The following ATP1A4 variants were observed in gnomAD, a reference collection of about 807,000 sequenced individuals.
The protein encoded by ATP1A4 is ATPase Na+/K+ transporting subunit alpha 4, also known as sodium/potassium-transporting ATPase subunit alpha-4.
Under a neutral mutation model 114.3 loss-of-function variants are expected in ATP1A4, and 90 were observed. The ratio of observed to expected loss-of-function variants is 0.79; its 90% CI spans 0.66 to 0.94. The LOEUF (loss-of-function observed/expected upper bound fraction) is 0.94, where lower values mean the gene tolerates loss of function less well. Among genes scored for constraint, ATP1A4 ranks in the 40% least tolerant of loss-of-function variants. The probability of loss-of-function intolerance (pLI) is 0.00; values close to 1 mark genes in which losing one functional copy is unlikely to be tolerated. For synonymous variants in ATP1A4, 511 were observed against 494.1 expected (o/e 1.03, Z -0.45); for missense variants, 1,222 against 1,313.6 (o/e 0.93, Z 1.08).
At position 160,151,843 on chromosome 1, in the gene ATP1A4, C is replaced by T; in HGVS notation, c.-198C>T. 3.5e-6 allele frequency: 2 copies of T among 568,310 alleles called. No individual in the cohort carries two copies. The highest frequency in any genetic ancestry group is 6.1e-6 in the Non-Finnish European group (2 of 328,758). The allele number at this position is 568,310 out of a possible 1,614,324, so 35.2% of individuals were successfully genotyped here. On this transcript the variant is annotated 5_prime_UTR_variant, in exon 1 of 22. Transcript: ENST00000368081. ...GCTGGAGGACCGCTCAGTCTCTCCT[C>T]TCTCACTTCCCTTCCTCTCTCTCAC...
chr1:160,154,945 C>A, intron 2 of ATP1A4, 100 bp from the exon 3 acceptor site: 1 of 1,152,140 alleles, frequency 8.7e-7, no homozygotes, highest in Non-Finnish European at 1.3e-6. Flanking sequence ...CGTCTTTAGT[C>A]TCTAGACCCA....
chr1:160,154,065 A>G (rs1652551060), intron 2 of ATP1A4, among the ~76,000 whole-genome samples: 1 of 152,154 alleles, frequency 6.6e-6, no homozygotes, highest in Non-Finnish European at 1.5e-5. Flanking sequence ...ATTCTTTTCT[A>G]TTTATGTTTT....
Position 160,184,136 on chromosome 1 carries a change from A to T in ATP1A4, c.2969+2105A>T, listed in dbSNP as rs184813339. ...CCCAGCTAATTTTTGTATTTTTAGT[A>T]GAGACGGGGTTTCTTCATGTTGGTC... On this transcript the variant is annotated intron_variant, in intron 20 of 21. Coordinates refer to ENST00000368081, the MANE Select transcript of ATP1A4 (RefSeq NM_144699.4). Among the ~76,000 whole-genome samples, 282 of 152,148 alleles carry T rather than the reference A, an allele frequency of 1.9e-3. 1 individual carries two copies. The highest frequency in any genetic ancestry group is 5.5e-3 in the African/African-American group (230 of 41,508).
intron 1 of ATP1A4, among the ~76,000 whole-genome samples, chr1:160,152,590 C>CTT (rs1331494450): frequency 6.6e-6 from 1 of 152,146 alleles, no homozygotes; most frequent in Non-Finnish European, 1.5e-5. Context: ...TTCCCTGGAC[C>CTT]TTTGCCCAGC....
rs1653520826 is a variant in ATP1A4, at chr1:160,177,564, T to C, written c.2636T>C (p.Leu879Pro). ...LAGFFTYFVI[L>P]AENGFRPVDL... Reference sequence around the variant, plus strand: ...GGATTCTTTACCTACTTTGTAATCCTGGCTGAGAATGGTTTTAGGCCTGTT... The same window carrying C: ...GGATTCTTTACCTACTTTGTAATCCCGGCTGAGAATGGTTTTAGGCCTGTT... Residue 879 changes from leucine (L) to proline (P), a missense_variant, in exon 18 of 22, where the codon CTG becomes CCG. Coordinates refer to ENST00000368081, the MANE Select transcript of ATP1A4 (RefSeq NM_144699.4). 6.2e-7 allele frequency: 1 copy of C among 1,614,182 alleles called. No individual in the cohort carries two copies. Among genetic ancestry groups the C allele is most frequent in the East Asian group, 2.2e-5 (1 of 44,886 alleles).
At chr1:160,162,881 A>G (rs906237367) in intron 6 of ATP1A4, among the ~76,000 whole-genome samples, 3 of 152,230 alleles carry the variant, frequency 2.0e-5, no homozygotes, top group Non-Finnish European at 4.4e-5. Context: ...AGATACTCAG[A>G]TTAAGTATAA....
intron 13 of ATP1A4, 55 bp from the exon 14 acceptor site, chr1:160,174,056 C>T: frequency 6.3e-7 from 1 of 1,586,054 alleles, no homozygotes; most frequent in Non-Finnish European, 8.6e-7. Context: ...GGCACCAAGA[C>T]CCCTGGTGAA....
Position 160,152,053 on chromosome 1 carries a change from G to A in ATP1A4, c.13G>A (p.Gly5Arg). MGLW[G>R]KKGTVAPHDQ... ...TCTGGGGATAGCTATGGGGCTTTGG[G>A]GGAAGAAAGGGACAGTGGCTCCCCA... The change falls in exon 1 of 22, where the codon GGG becomes AGG. Residue 5 changes from glycine (G) to arginine (R), a missense_variant. By Grantham distance (125) the Gly-to-Arg change is moderately radical (BLOSUM62 -2). Coordinates refer to ENST00000368081, the MANE Select transcript of ATP1A4 (RefSeq NM_144699.4). 2 of 1,613,414 alleles carry A rather than the reference G, an allele frequency of 1.2e-6. No homozygotes were observed. The highest frequency in any genetic ancestry group is 1.7e-6 in the Non-Finnish European group (2 of 1,179,758).
intron 11 of ATP1A4, 67 bp downstream of exon 11, chr1:160,171,507 A>C (rs1653258824): frequency 6.3e-7 from 1 of 1,599,966 alleles, no homozygotes; most frequent in African/African-American, 1.3e-5. Context: ...TGGGGTGAGA[A>C]ATCAAGGATG....
intron 20 of ATP1A4, among the ~76,000 whole-genome samples, chr1:160,185,372 A>C (rs1653843125): frequency 6.6e-6 from 1 of 151,752 alleles, no homozygotes; most frequent in Non-Finnish European, 1.5e-5. Context: ...CGGCCTCCCA[A>C]AGTGCTGGGA....
At chr1:160,168,332 A>C (rs1653114098) in intron 10 of ATP1A4, among the ~76,000 whole-genome samples, 1 of 150,036 alleles carries the variant, frequency 6.7e-6, no homozygotes, top group Admixed American at 6.6e-5. Context: ...TGTGGGTAAA[A>C]TGTCTCAGAG....
Position 160,177,452 on chromosome 1 carries a change from C to A in ATP1A4, c.2591-67C>A, listed in dbSNP as rs889399590. 4.4e-6 allele frequency: 7 copies of A among 1,578,056 alleles called. No homozygotes were observed. In the South Asian group the frequency reaches 6.9e-5, roughly 16 times the overall value. Reference sequence around the variant, plus strand: ...AGCAAGTCCCAGCCCCCAGCCCTCCCCTGGCCTACCTTTTGGGGCCCTTCT... The same window carrying A: ...AGCAAGTCCCAGCCCCCAGCCCTCCACTGGCCTACCTTTTGGGGCCCTTCT... On this transcript the variant is annotated intron_variant, in intron 17 of 21. Transcript: ENST00000368081.
chr1:160,171,593 T>C lies in ATP1A4; in HGVS notation c.1690T>C (p.Phe564Leu). The C allele has an allele frequency of 6.2e-7, 1 of 1,613,882 alleles. No homozygotes were observed. Among genetic ancestry groups the C allele is most frequent in the Non-Finnish European group, 8.5e-7 (1 of 1,179,870 alleles). ...CCTCTGTCTCTCTCCAGGCTTCTGC[T>C]TCTTGAATCTGCCTAGCAGCTTCTC... ...GLGERVLGFC[F>L]LNLPSSFSKG... The change falls in exon 12 of 22, where the codon TTC becomes CTC. Residue 564 changes from phenylalanine (F) to leucine (L), a missense_variant. Phe to Leu is a conservative substitution (Grantham distance 22, BLOSUM62 0). Coordinates refer to ENST00000368081, the MANE Select transcript of ATP1A4 (RefSeq NM_144699.4).
chr1:160,158,411 C>G (rs1204582311), intron 4 of ATP1A4, among the ~76,000 whole-genome samples: 1 of 152,140 alleles, frequency 6.6e-6, no homozygotes, highest in Non-Finnish European at 1.5e-5. Context: ...GGGTCTCACT[C>G]TGTCACTCAG....
At chr1:160,153,918 G>A (rs1194374599) in intron 2 of ATP1A4, among the ~76,000 whole-genome samples, 2 of 152,110 alleles carry the variant, frequency 1.3e-5, no homozygotes, top group African/African-American at 2.4e-5. Flanking sequence ...GGGGCCCCTC[G>A]GGTGTTTCAG....
At chr1:160,176,058 G>C in intron 15 of ATP1A4, 34 bp from the exon 16 acceptor site, 3 of 1,613,288 alleles carry the variant, frequency 1.9e-6, no homozygotes, top group Non-Finnish European at 2.5e-6. Context: ...TGTTCTCCCA[G>C]GGCTTCTCAC....
rs183119319 is a variant in ATP1A4 at position 160,185,318 on chromosome 1, G to A, written c.2970-958G>A. The stretch of plus-strand genomic sequence containing the variant: ...AGTAGAGACGGCGTTTCACCATGTT[G>A]GTCAGGCTGGTCTCAAACTCCTGAC... On this transcript the variant is annotated intron_variant, in intron 20 of 21. Coordinates refer to ENST00000368081, the MANE Select transcript of ATP1A4 (RefSeq NM_144699.4). Among the ~76,000 whole-genome samples the A allele has an allele frequency of 2.1e-4, 32 of 151,970 alleles. 1 individual carries two copies. The East Asian group carries it at 3.5e-3, about 17-fold the overall frequency.
Position 160,155,924 on chromosome 1 carries a change from C to T in ATP1A4, c.412-121C>T, listed in dbSNP as rs1652636616. On this transcript the variant is annotated intron_variant, in intron 3 of 21. Transcript: ENST00000368081. ...AGATTCTTCTCTACCCCTCTGCTCT[C>T]AACTCAGTCTTACGGTCTCTTACAC... The T allele has an allele frequency of 9.2e-6, 6 of 654,396 alleles. No homozygotes were observed. The East Asian group carries it at 1.6e-4, about 18-fold the overall frequency. The allele number at this position is 654,396 out of a possible 1,614,324, so 40.5% of individuals were successfully genotyped here.
intron 4 of ATP1A4, among the ~76,000 whole-genome samples, chr1:160,156,508 G>A (rs779504230): frequency 5.9e-5 from 9 of 152,090 alleles, no homozygotes; most frequent in Middle Eastern, 3.4e-3. Flanking sequence ...TTCAAATATC[G>A]ATGACCTCAA....
Sources: allele counts gnomAD v4.1 joint callset (sites outside exome capture counted in the v4.1 genomes callset), GRCh38; gene constraint gnomAD v4.1.1; transcripts MANE v1.5; gene names NCBI Gene and HGNC (gene_info 2026-07-23, HGNC 2026-07-21).